OR4M1: variants seen among roughly 807,000 people sequenced by gnomAD.
OR4M1 encodes the protein olfactory receptor family 4 subfamily M member 1, also known as olfactory receptor 4M1.
A neutral mutation model predicts 9.8 loss-of-function variants in OR4M1; 7 were observed. That is an observed-to-expected ratio of 0.71 (90% CI 0.41 to 1.34). The LOEUF is 1.34. OR4M1 is among the 40% of genes most tolerant of loss of function. OR4M1 has a pLI of 0.01. For synonymous variants in OR4M1, 121 were observed against 139.8 expected, an observed-to-expected ratio of 0.87 and a Z score of 0.95; for missense variants, 331 against 380.4, an observed-to-expected ratio of 0.87 and a Z score of 1.08.
intron 1 of OR4M1, among the ~76,000 whole-genome samples, chr14:19,779,019 T>C (rs1396975311): frequency 2.6e-5 from 4 of 152,198 alleles, no homozygotes; most frequent in African/African-American, 9.7e-5. Flanking sequence ...AACACTGTTT[T>C]TGTGCGTGTG....
chr14:19,776,303 T>C (rs1353184220), intron 1 of OR4M1, among the ~76,000 whole-genome samples: 2 of 152,242 alleles, frequency 1.3e-5, no homozygotes, highest in Non-Finnish European at 2.9e-5. Context: ...GAAACTGTCA[T>C]AGAGGAAGAT....
At position 19,781,008 on chromosome 14, in the gene OR4M1, C is replaced by T. The variant is rs774999461; in HGVS notation, c.686C>T (p.Ser229Leu). ...CTTCTGGCCTTGCTCAAGAAACATT[C>T]AGGCTCAGGTGAGAATACCAACAGG... is the stretch of plus-strand genomic sequence containing the variant. ...AFLLALLKKH[S>L]GSGENTNRAM... The change falls in exon 2 of 2, where the codon TCA becomes TTA. Residue 229 changes from serine to leucine, a missense_variant. Ser to Leu is a moderately radical substitution (Grantham distance 145, BLOSUM62 -2). Coordinates refer to ENST00000641200, the MANE Select transcript of OR4M1 (RefSeq NM_001005500.2). 4.2e-5 allele frequency: 68 copies of T among 1,614,116 alleles called. No homozygotes were observed. Among genetic ancestry groups the T allele is most frequent in the Non-Finnish European group, 5.3e-5 (63 of 1,180,046 alleles).
In OR4M1 at chr14:19,781,342, A is replaced by G; in HGVS notation, c.*78A>G. On this transcript the variant is annotated 3_prime_UTR_variant, in exon 2 of 2. Coordinates refer to ENST00000641200, the MANE Select transcript of OR4M1 (RefSeq NM_001005500.2). The stretch of plus-strand genomic sequence containing the variant: ...GAAGTATTTGCAGTAATAATGCTGC[A>G]TTCACTTCCTCCGTTCATTTGTGTT... 2 of 1,221,994 alleles carry G rather than the reference A, an allele frequency of 1.6e-6. No individual in the cohort carries two copies. The allele number at this position is 1,221,994 out of a possible 1,614,324, so 75.7% of individuals were successfully genotyped here. A position where few individuals can be genotyped will look rare whatever the true frequency, so the allele number is the denominator to read the frequency against.
chr14:19,775,895 C>A (rs567275018), intron 1 of OR4M1, among the ~76,000 whole-genome samples: 1 of 151,600 alleles, frequency 6.6e-6, no homozygotes, highest in Non-Finnish European at 1.5e-5. Context: ...CTTCTCTGAT[C>A]CTAATGGTTT....
rs1380706957 is a variant in OR4M1 at position 19,782,347 on chromosome 14, A to G, written c.*1083A>G. The G allele has an allele frequency of 2.0e-5, 3 of 152,224 alleles. No homozygotes were observed. The highest frequency in any genetic ancestry group is 2.9e-5 in the Non-Finnish European group (2 of 68,044). The allele number at this position is 152,224 out of a possible 1,614,324, so 9.4% of individuals were successfully genotyped here. Reference sequence around the variant, plus strand: ...ATTAGAACATTTGATTTTATAGGTTATGTTTTTTACTTAAATTTATTAGTT... The same window carrying G: ...ATTAGAACATTTGATTTTATAGGTTGTGTTTTTTACTTAAATTTATTAGTT... On this transcript the variant is annotated 3_prime_UTR_variant, in exon 2 of 2. Transcript: ENST00000641200.
intron 1 of OR4M1, among the ~76,000 whole-genome samples, chr14:19,777,689 C>T (rs1268270000): frequency 2.0e-5 from 3 of 152,184 alleles, no homozygotes; most frequent in Non-Finnish European, 2.9e-5. Context: ...AGAAGTGACA[C>T]AGAAGCTATA....
intron 1 of OR4M1, among the ~76,000 whole-genome samples, chr14:19,774,153 A>C (rs2138426034): frequency 6.6e-6 from 1 of 152,388 alleles, no homozygotes; most frequent in South Asian, 2.1e-4. Context: ...TAAATAGAAA[A>C]GCAAAAAAGA....
chr14:19,781,501 A>T lies in OR4M1; in HGVS notation c.*237A>T. ...GATCATTATTAGAATTTGAGATATA[A>T]TAATAATCTGCTAAAGTACATTTTA... is the stretch of plus-strand genomic sequence containing the variant. On this transcript the variant is annotated 3_prime_UTR_variant, in exon 2 of 2. Coordinates refer to ENST00000641200, the MANE Select transcript of OR4M1 (RefSeq NM_001005500.2). 1 of 494,366 alleles carries T rather than the reference A, an allele frequency of 2.0e-6. No homozygotes were observed. The highest frequency in any genetic ancestry group is 3.5e-6 in the Non-Finnish European group (1 of 283,020). 30.6% of individuals were successfully genotyped at this position (494,366 alleles called of 1,614,324 possible). A position where few individuals can be genotyped will look rare whatever the true frequency, so the allele number is the denominator to read the frequency against.
rs1878470243 is a variant in OR4M1, at chr14:19,780,904, A to G, written c.582A>G (p.Pro194=). ...GGATTGCCTGTGCCAACACCTTCCC[A>G]GAGGAGTTAGTGATGATCTGTAGTA... ...VVRIACANTF[P]EELVMICSSG... is the part of the protein sequence containing the mutation. The change falls in exon 2 of 2, where the codon CCA becomes CCG. Residue 194 remains proline (P), a synonymous_variant. Transcript: ENST00000641200. The G allele has an allele frequency of 2.5e-6, 4 of 1,614,148 alleles. No individual in the cohort carries two copies. The highest frequency in any genetic ancestry group is 2.5e-6 in the Non-Finnish European group (3 of 1,180,024).
chr14:19,773,550 C>T lies in OR4M1; in HGVS notation c.-73C>T, dbSNP rs1442352936. 1 of 152,266 alleles carries T rather than the reference C, an allele frequency of 6.6e-6. No individual in the cohort carries two copies. The highest frequency in any genetic ancestry group is 1.5e-5 in the Non-Finnish European group (1 of 68,100). The allele number at this position is 152,266 out of a possible 1,614,324, so 9.4% of individuals were successfully genotyped here. A position where few individuals can be genotyped will look rare whatever the true frequency, so the allele number is the denominator to read the frequency against. On this transcript the variant is annotated 5_prime_UTR_variant, in exon 1 of 2. Transcript: ENST00000641200. ...GTGGTGGAAGAGGCTTCTTCTACCT[C>T]CTCCCCATAGTTCCTGAAGGCACCA...
intron 1 of OR4M1, among the ~76,000 whole-genome samples, chr14:19,779,538 C>T (rs1042564878): frequency 4.4e-4 from 67 of 152,304 alleles, no homozygotes; most frequent in Middle Eastern, 3.4e-3. Flanking sequence ...AACAGCAGAG[C>T]GGATCAGCTC....
At chr14:19,773,721 T>C in intron 1 of OR4M1, 128 bp downstream of exon 1, 1 of 152,468 alleles carries the variant, frequency 6.6e-6, no homozygotes, top group South Asian at 2.1e-4. Context: ...AAGCAGCATG[T>C]AAGGAAATGT....
At chr14:19,774,986 TGA>T (rs1878267160) in intron 1 of OR4M1, among the ~76,000 whole-genome samples, 1 of 152,202 alleles carries the variant, frequency 6.6e-6, no homozygotes, top group Non-Finnish European at 1.5e-5. Flanking sequence ...CCTTAAAAGC[TGA>T]GTTTTCATCC....
At chr14:19,778,926 T>C (rs575381896) in intron 1 of OR4M1, among the ~76,000 whole-genome samples, 2 of 152,242 alleles carry the variant, frequency 1.3e-5, no homozygotes, top group East Asian at 1.9e-4. Context: ...CATGGGGAAA[T>C]TGATCCCTTT....
rs879135628 is a variant in OR4M1, at chr14:19,781,298, G to T, written c.*34G>T. On this transcript the variant is annotated 3_prime_UTR_variant, in exon 2 of 2. Coordinates refer to ENST00000641200, the MANE Select transcript of OR4M1 (RefSeq NM_001005500.2). ...TTATACATTTTATAGTCCTCCTGAG[G>T]ATCATTGTCCTAAAGCAGGAAGTAT... is the stretch of plus-strand genomic sequence containing the variant. 1 of 1,503,208 alleles carries T rather than the reference G, an allele frequency of 6.7e-7. No homozygotes were observed. Among genetic ancestry groups the T allele is most frequent in the South Asian group, 1.2e-5 (1 of 81,338 alleles). The allele number at this position is 1,503,208 out of a possible 1,614,324, so 93.1% of individuals were successfully genotyped here.
chr14:19,777,023 T>TATA (rs1185540999), intron 1 of OR4M1, among the ~76,000 whole-genome samples: 1 of 129,818 alleles, frequency 7.7e-6, no homozygotes, highest in African/African-American at 2.9e-5. Flanking sequence ...TATATATATA[T>TATA]ATATATATAT....
rs200346464 is a variant in OR4M1, at chr14:19,780,273, T to C, written c.-29-21T>C. 5.3e-5 allele frequency: 81 copies of C among 1,518,316 alleles called. No individual in the cohort carries two copies. The Middle Eastern group carries it at 4.7e-3, about 89-fold the overall frequency. 94.1% of individuals were successfully genotyped at this position (1,518,316 alleles called of 1,614,324 possible). The stretch of plus-strand genomic sequence containing the variant: ...AGATAAATGCTATGTGGACTAATTA[T>C]AGTTTCTTTAATTTTCATAGTTATA... On this transcript the variant is annotated intron_variant, in intron 1 of 1. Transcript: ENST00000641200.
At chr14:19,776,561 T>C (rs1180800944) in intron 1 of OR4M1, among the ~76,000 whole-genome samples, 1 of 152,196 alleles carries the variant, frequency 6.6e-6, no homozygotes, top group Non-Finnish European at 1.5e-5. Context: ...TTAAGCAACT[T>C]ATCCAACCAC....
At chr14:19,776,791 G>A (rs1389494057) in intron 1 of OR4M1, among the ~76,000 whole-genome samples, 1 of 151,974 alleles carries the variant, frequency 6.6e-6, no homozygotes, top group African/African-American at 2.4e-5. Flanking sequence ...ATTTTATTAA[G>A]GTCGTGGTAT....
Sources: gnomAD v4.1 joint callset for allele counts (sites outside exome capture counted in the v4.1 genomes callset) on GRCh38, gnomAD v4.1.1 for gene constraint, MANE v1.5 for transcripts, NCBI Gene and HGNC (gene_info 2026-07-23, HGNC 2026-07-21) for gene names.